TSHZ2: variants seen among roughly 807,000 people sequenced by gnomAD.
The protein encoded by TSHZ2 is teashirt homolog 2.
A neutral mutation model predicts 74.4 loss-of-function variants in TSHZ2; 21 were observed. That is an observed-to-expected ratio of 0.28 (90% CI 0.20 to 0.41). The LOEUF is 0.41. TSHZ2 is among the 10% of genes least tolerant of loss of function. The pLI, the probability that TSHZ2 is intolerant of heterozygous loss-of-function variation, is 1.00. For missense variants in TSHZ2, 1,244 were observed against 1,293.5 expected (o/e 0.96, Z 0.59); for synonymous variants, 540 against 515.3 (o/e 1.05, Z -0.65).
intron 1 of TSHZ2, among the ~76,000 whole-genome samples, chr20:53,090,663 A>C (rs948854691): frequency 2.6e-5 from 4 of 152,214 alleles, no homozygotes; most frequent in African/African-American, 9.6e-5. Context: ...CTCCGAGCCC[A>C]CAAGCCCAGG....
At chr20:53,325,995 C>T (rs546437193) in intron 2 of TSHZ2, among the ~76,000 whole-genome samples, 2 of 152,260 alleles carry the variant, frequency 1.3e-5, no homozygotes, top group East Asian at 3.9e-4. Context: ...GTTGGCTAGG[C>T]TGGTATCAAA....
chr20:53,216,985 C>A (rs1314393679), intron 1 of TSHZ2, among the ~76,000 whole-genome samples: 2 of 152,184 alleles, frequency 1.3e-5, no homozygotes, highest in Non-Finnish European at 2.9e-5. Flanking sequence ...TCCAAAGAGG[C>A]CGTGTCTTTC....
At chr20:53,350,844 A>G (rs1473814561) in intron 2 of TSHZ2, among the ~76,000 whole-genome samples, 3 of 152,244 alleles carry the variant, frequency 2.0e-5, no homozygotes, top group Non-Finnish European at 4.4e-5. Context: ...TGAAACTTCC[A>G]GGTTTTCCCA....
intron 1 of TSHZ2, among the ~76,000 whole-genome samples, chr20:53,203,393 C>T (rs1989057415): frequency 1.3e-5 from 2 of 152,032 alleles, no homozygotes; most frequent in South Asian, 2.1e-4. Flanking sequence ...TGGGGTTTCA[C>T]CATATTGGCC....
chr20:53,332,071 A>C (rs949970602), intron 2 of TSHZ2, among the ~76,000 whole-genome samples: 1 of 152,114 alleles, frequency 6.6e-6, no homozygotes, highest in Admixed American at 6.5e-5. Flanking sequence ...TCCTGTGCAG[A>C]AGGCAGGGTG....
intron 2 of TSHZ2, among the ~76,000 whole-genome samples, chr20:53,445,205 A>G (rs977591518): frequency 6.6e-6 from 1 of 152,256 alleles, no homozygotes; most frequent in African/African-American, 2.4e-5. Context: ...AAATGCTTGC[A>G]TAAACACATA....
chr20:52,991,547 G>A (rs1981992659), intron 1 of TSHZ2, among the ~76,000 whole-genome samples: 1 of 149,916 alleles, frequency 6.7e-6, no homozygotes, highest in African/African-American at 2.5e-5. Flanking sequence ...TGTATGTTGT[G>A]GGTATTAGTG....
chr20:53,451,567 G>T (rs1984785683), intron 2 of TSHZ2, among the ~76,000 whole-genome samples: 1 of 152,058 alleles, frequency 6.6e-6, no homozygotes, highest in African/African-American at 2.4e-5. Context: ...CTTTATCTGG[G>T]TAACTTAGTT....
Position 53,469,045 on chromosome 20 carries a change from T to TATATATA in TSHZ2, c.*9-18099_*9-18098insATATATA, listed in dbSNP as rs1985655239. 2.8e-4 allele frequency among the ~76,000 whole-genome samples: 14 copies of TATATATA among 49,128 alleles called. 1 individual carries two copies. The highest frequency in any genetic ancestry group is 9.7e-4 in the South Asian group (1 of 1,030). 32.2% of individuals were successfully genotyped at this position (49,128 alleles called of 152,430 possible). On this transcript the variant is annotated intron_variant, in intron 2 of 2. Transcript: ENST00000371497. The stretch of plus-strand genomic sequence containing the variant: ...ACCTAAAGGCTCTGAAATCGATATT[T>TATATATA]TATATATATATATATATATATATAT...
intron 2 of TSHZ2, among the ~76,000 whole-genome samples, chr20:53,464,329 GA>G (rs775331203): frequency 2.6e-5 from 4 of 152,182 alleles, no homozygotes; most frequent in Non-Finnish European, 5.9e-5. Context: ...CCCAGGAGAA[GA>G]AAAGATCTTT....
chr20:53,187,692 T>C (rs1215325149), intron 1 of TSHZ2, among the ~76,000 whole-genome samples: 3 of 139,032 alleles, frequency 2.2e-5, no homozygotes, highest in Non-Finnish European at 4.7e-5. Flanking sequence ...AAGTTCTCAG[T>C]GCTGTTTTTT....
At chr20:53,033,736 T>C (rs1983726207) in intron 1 of TSHZ2, among the ~76,000 whole-genome samples, 2 of 130,226 alleles carry the variant, frequency 1.5e-5, no homozygotes, top group African/African-American at 2.9e-5. Flanking sequence ...CTCGGCTCAC[T>C]GCAACCTCCA....
In TSHZ2 at chr20:53,186,381, A is replaced by G. The variant is rs78412931; in HGVS notation, c.41-67118A>G. Among the ~76,000 whole-genome samples, 1,392 of 152,356 alleles carry G rather than the reference A, an allele frequency of 9.1e-3. 14 individuals are homozygous for G. Among genetic ancestry groups the G allele is most frequent in the Middle Eastern group, 0.037 (11 of 294 alleles). On this transcript the variant is annotated intron_variant, in intron 1 of 2. Transcript: ENST00000371497. ...CAGAATTGCCTGAAGACTTTTCTAC[A>G]ATACAACTTTCAAAAACCCACTGCA...
chr20:53,139,763 T>C (rs1246544375), intron 1 of TSHZ2, among the ~76,000 whole-genome samples: 1 of 152,218 alleles, frequency 6.6e-6, no homozygotes, highest in Non-Finnish European at 1.5e-5. Flanking sequence ...TTGGTTCTCT[T>C]TTTCTGGTCC....
At position 53,139,323 on chromosome 20, in the gene TSHZ2, G is replaced by A. The variant is rs1448201854; in HGVS notation, c.41-114176G>A. On this transcript the variant is annotated intron_variant, in intron 1 of 2. Transcript: ENST00000371497. ...AGTACTTGTTATTTCCTGAATAAAT[G>A]GCATCTAAATACATATTCCATGAAT... 2.0e-5 allele frequency among the ~76,000 whole-genome samples: 3 copies of A among 152,140 alleles called. No homozygotes were observed. The East Asian group carries it at 5.8e-4, about 29-fold the overall frequency.
At chr20:53,114,425 A>G (rs1395692129) in intron 1 of TSHZ2, among the ~76,000 whole-genome samples, 1 of 151,176 alleles carries the variant, frequency 6.6e-6, no homozygotes, top group Non-Finnish European at 1.5e-5. Context: ...AAATAGTACT[A>G]GTACCCACCT....
At position 53,252,182 on chromosome 20, in the gene TSHZ2, A is replaced by T. The variant is rs150776054; in HGVS notation, c.41-1317A>T. Among the ~76,000 whole-genome samples the T allele has an allele frequency of 2.5e-3, 383 of 152,330 alleles. 3 individuals carry two copies. Among genetic ancestry groups the T allele is most frequent in the African/African-American group, 8.3e-3 (344 of 41,586 alleles). On this transcript the variant is annotated intron_variant, in intron 1 of 2. Coordinates refer to ENST00000371497, the MANE Select transcript of TSHZ2 (RefSeq NM_173485.6). ...GGCAGCCTTTGGAGTTGCTGATTGT[A>T]GCTGCTTTATCCTAGCAAATCCCCT...
chr20:53,328,808 C>T (rs1410749696), intron 2 of TSHZ2, among the ~76,000 whole-genome samples: 1 of 151,986 alleles, frequency 6.6e-6, no homozygotes, highest in Non-Finnish European at 1.5e-5. Context: ...CATTATATAT[C>T]ACCTTAAATC....
chr20:53,168,435 C>T (rs1384561856), intron 1 of TSHZ2, among the ~76,000 whole-genome samples: 1 of 152,170 alleles, frequency 6.6e-6, no homozygotes, highest in Admixed American at 6.5e-5. Context: ...AGTTAAAATC[C>T]ACTCAAATAT....
Sources: allele counts gnomAD v4.1 joint callset (sites outside exome capture counted in the v4.1 genomes callset), GRCh38; gene constraint gnomAD v4.1.1; transcripts MANE v1.5; gene names NCBI Gene and HGNC (gene_info 2026-07-23, HGNC 2026-07-21).